FRMD3: variants seen among roughly 807,000 people sequenced by gnomAD.
FRMD3 encodes FERM domain containing 3, also known as FERM domain-containing protein 3.
Under a neutral mutation model 70.2 loss-of-function variants are expected in FRMD3, and 33 were observed. The ratio of observed to expected loss-of-function variants is 0.47; its 90% CI spans 0.36 to 0.63. FRMD3 has a LOEUF of 0.63. FRMD3 is among the 20% of genes least tolerant of loss of function. FRMD3 has a pLI of 0.00. For missense variants in FRMD3, 632 were observed against 711.4 expected, an observed-to-expected ratio of 0.89 and a Z score of 1.27; for synonymous variants, 279 against 255.9, an observed-to-expected ratio of 1.09 and a Z score of -0.86.
At chr9:83,523,194 G>GGATC (rs1829616648) in intron 1 of FRMD3, among the ~76,000 whole-genome samples, 3 of 143,684 alleles carry the variant, frequency 2.1e-5, no homozygotes, top group Non-Finnish European at 4.5e-5. Flanking sequence ...ATGGATGGAT[G>GGATC]GACGGACGGA....
chr9:83,529,930 A>G (rs1319829529), intron 1 of FRMD3, among the ~76,000 whole-genome samples: 10 of 152,176 alleles, frequency 6.6e-5, no homozygotes, highest in Admixed American at 6.5e-4. Context: ...TCAAAACCAC[A>G]ATGAGATCCC....
intron 1 of FRMD3, among the ~76,000 whole-genome samples, chr9:83,403,146 C>G (rs1039642163): frequency 1.3e-5 from 2 of 151,904 alleles, no homozygotes; most frequent in Non-Finnish European, 2.9e-5. Flanking sequence ...TCAGGTGATT[C>G]GCCTGCCTCA....
chr9:83,456,463 C>T (rs1307608193), intron 1 of FRMD3, among the ~76,000 whole-genome samples: 1 of 152,116 alleles, frequency 6.6e-6, no homozygotes, highest in Admixed American at 6.5e-5. Flanking sequence ...ATAGAAATAA[C>T]ATATTTTGGT....
upstream of FRMD3, chr9:83,538,447 C>T (rs1003478159): frequency 1.3e-5 from 5 of 375,082 alleles, no homozygotes; most frequent in Non-Finnish European, 1.9e-5. This position sits in a 1 kb window ranked among gnomAD's most constrained non-coding sequence, Gnocchi z 4.7. Context: ...TCGCCCCCTC[C>T]TTTCCCCGCC....
chr9:83,308,468 G>C (rs979153767), intron 10 of FRMD3, among the ~76,000 whole-genome samples: 2 of 152,164 alleles, frequency 1.3e-5, no homozygotes, highest in East Asian at 1.9e-4. Flanking sequence ...AGGGAGATGA[G>C]TCTAATCAGG....
At chr9:83,257,370 G>A (rs1001859033) in intron 13 of FRMD3, among the ~76,000 whole-genome samples, 4 of 152,086 alleles carry the variant, frequency 2.6e-5, no homozygotes, top group Admixed American at 2.0e-4. Flanking sequence ...GGGGCCTGTC[G>A]GCAGGGGGTT....
chr9:83,514,679 C>A (rs1829415517), intron 1 of FRMD3, among the ~76,000 whole-genome samples: 1 of 152,204 alleles, frequency 6.6e-6, no homozygotes, highest in African/African-American at 2.4e-5. Flanking sequence ...AGACTCCCCC[C>A]AGCAAGGGTT....
the FRMD3 span, among the ~76,000 whole-genome samples, chr9:83,554,287 C>T: frequency 2.0e-5 from 3 of 152,208 alleles, no homozygotes; most frequent in African/African-American, 4.8e-5. Context: ...GGTTCCTCTC[C>T]ACCTTCAGTG....
chr9:83,343,221 A>G lies in FRMD3; in HGVS notation c.441T>C (p.Asp147=). The change falls in exon 5 of 14, where the codon GAT becomes GAC. Residue 147 remains aspartate, a synonymous_variant. Transcript: ENST00000304195. The part of the protein sequence containing the change: ...FHGRLLCSFS[D]AAYLGACIVQ... ...CAATACAGGCACCCAGGTAGGCAGC[A>G]TCAGAAAAGGAGCACAGCAGGCGGC... 1 of 1,614,056 alleles carries G rather than the reference A, an allele frequency of 6.2e-7. No homozygotes were observed. Among genetic ancestry groups the G allele is most frequent in the Non-Finnish European group, 8.5e-7 (1 of 1,179,910 alleles).
chr9:83,467,692 G>C, intron 1 of FRMD3: 1 of 1,535,032 alleles, frequency 6.5e-7, no homozygotes, highest in Non-Finnish European at 8.7e-7. Context: ...TGATCTGCTA[G>C]TGCCTTAAAA....
In FRMD3 at chr9:83,523,153, A is replaced by AGGATGGAT. The variant is rs144992070; in HGVS notation, c.147+14924_147+14931dup. Among the ~76,000 whole-genome samples, 859 of 149,686 alleles carry AGGATGGAT rather than the reference A, an allele frequency of 5.7e-3. 3 individuals carry two copies. Among genetic ancestry groups the AGGATGGAT allele is most frequent in the African/African-American group, 0.012 (471 of 40,420 alleles). On this transcript the variant is annotated intron_variant, in intron 1 of 13. Coordinates refer to ENST00000304195, the MANE Select transcript of FRMD3 (RefSeq NM_174938.6). ...AAATGTTTGTTTGGTGAATGGATGG[A>AGGATGGAT]GGATGGATGGATGGATGGATGGATG... is the stretch of plus-strand genomic sequence containing the variant.
chr9:83,543,338 T>C (rs1830019529), upstream of FRMD3, among the ~76,000 whole-genome samples: 1 of 152,064 alleles, frequency 6.6e-6, no homozygotes. Flanking sequence ...GGGGATGTTT[T>C]GGGTTGCCCT....
intron 10 of FRMD3, among the ~76,000 whole-genome samples, chr9:83,302,193 C>T (rs868175115): frequency 6.6e-5 from 10 of 152,152 alleles, no homozygotes; most frequent in Admixed American, 1.3e-4. Context: ...CCTGGCCGGG[C>T]ATCAGACACC....
rs77441373 is a variant in FRMD3, at chr9:83,451,191, C to T, written c.148-61483G>A. Among the ~76,000 whole-genome samples the T allele has an allele frequency of 5.8e-3, 884 of 152,052 alleles. 9 individuals carry two copies. The highest frequency in any genetic ancestry group is 0.02 in the African/African-American group (835 of 41,430). On this transcript the variant is annotated intron_variant, in intron 1 of 13. Transcript: ENST00000304195. ...CTACTTCAGTGATTATGCTGAGGTG[C>T]GGGATTAAGCGAGGTTAGATTGTAT...
chr9:83,447,392 C>G (rs1480066652), intron 1 of FRMD3, among the ~76,000 whole-genome samples: 1 of 152,190 alleles, frequency 6.6e-6, no homozygotes, highest in Non-Finnish European at 1.5e-5. Flanking sequence ...GCCCTCCCAT[C>G]CAGTGTGGCC....
At chr9:83,332,304 T>G (rs543911764) in intron 6 of FRMD3, among the ~76,000 whole-genome samples, 3 of 152,284 alleles carry the variant, frequency 2.0e-5, no homozygotes, top group African/African-American at 7.2e-5. Flanking sequence ...CAATCTAATT[T>G]AGTTCATGAA....
At chr9:83,312,738 C>T (rs1391495545) in intron 7 of FRMD3, among the ~76,000 whole-genome samples, 1 of 152,084 alleles carries the variant, frequency 6.6e-6, no homozygotes, top group African/African-American at 2.4e-5. Context: ...TCGCCGCACC[C>T]ACCACTCCCC....
chr9:83,443,463 C>T lies in FRMD3; in HGVS notation c.148-53755G>A, dbSNP rs546777652. ...GCTTCACCCATGTCGCTACAAAGGA[C>T]ATGAACTCATCCTTTTTTATGGCTG... On this transcript the variant is annotated intron_variant, in intron 1 of 13. Transcript: ENST00000304195. 2.6e-5 allele frequency among the ~76,000 whole-genome samples: 4 copies of T among 152,316 alleles called. No homozygotes were observed. The South Asian group carries it at 8.3e-4, about 32-fold the overall frequency.
intron 3 of FRMD3, chr9:83,350,787 A>T: frequency 1.1e-6 from 1 of 948,256 alleles, no homozygotes; most frequent in Non-Finnish European, 1.3e-6. Flanking sequence ...AATTTGCCTC[A>T]AATATCCAGA....
Sources: gnomAD v4.1 joint callset for allele counts (sites outside exome capture counted in the v4.1 genomes callset) on GRCh38, gnomAD v4.1.1 for gene constraint, Gnocchi (gnomAD v3.1) non-coding constraint, MANE v1.5 for transcripts, NCBI Gene and HGNC (gene_info 2026-07-23, HGNC 2026-07-21) for gene names.